Variants in GALNT9 observed in about 807,000 individuals in gnomAD.
GALNT9 encodes polypeptide N-acetylgalactosaminyltransferase 9.
Under a neutral mutation model 63.1 loss-of-function variants are expected in GALNT9, and 47 were observed. The ratio of observed to expected loss-of-function variants is 0.75; its 90% CI spans 0.59 to 0.95. The LOEUF is 0.95. Among genes scored for constraint, GALNT9 ranks in the 40% least tolerant of loss-of-function variants. The probability of loss-of-function intolerance (pLI) is 0.00; values close to 1 mark genes in which losing one functional copy is unlikely to be tolerated. For missense variants in GALNT9, 829 were observed against 874.8 expected, an observed-to-expected ratio of 0.95 and a Z score of 0.66; for synonymous variants, 396 against 365.7, an observed-to-expected ratio of 1.08 and a Z score of -0.94.
rs2136894850 is a variant in GALNT9 at position 132,236,560 on chromosome 12, C to G, written c.1077+11350G>C. On this transcript the variant is annotated intron_variant, in intron 6 of 10. Transcript: ENST00000328957. This position sits in a 1 kb window ranked among gnomAD's most constrained non-coding sequence, Gnocchi z 5.6. ...CCTTCCTTCCTTCCCACCTTCTTTCCTTTCTTCTATCTTTCCTTTCAAGCT... is the reference window on the plus strand; with the variant it reads ...CCTTCCTTCCTTCCCACCTTCTTTCGTTTCTTCTATCTTTCCTTTCAAGCT... Among the ~76,000 whole-genome samples, 2 of 152,160 alleles carry G rather than the reference C, an allele frequency of 1.3e-5. No individual in the cohort carries two copies. Among genetic ancestry groups the G allele is most frequent in the Non-Finnish European group, 2.9e-5 (2 of 68,030 alleles).
intron 6 of GALNT9, among the ~76,000 whole-genome samples, chr12:132,212,039 C>A (rs911548971): frequency 6.6e-6 from 1 of 152,236 alleles, no homozygotes; most frequent in Admixed American, 6.5e-5. Flanking sequence ...GACGTGCACG[C>A]AGGCAGGCCC....
Position 132,315,231 on chromosome 12 carries a change from T to A in GALNT9, c.238+13735A>T, listed in dbSNP as rs536723027. On this transcript the variant is annotated intron_variant, in intron 1 of 10. Coordinates refer to ENST00000328957, the MANE Select transcript of GALNT9 (RefSeq NM_001122636.2). The surrounding 1 kb of genome is among the most constrained non-coding windows in gnomAD (Gnocchi z 6.1). Reference sequence around the variant, plus strand: ...CTCCCCCGTGTCCACTGCAAAGTGCTGGAGCCTCAGAATATAATCAGGGCG... The same window carrying A: ...CTCCCCCGTGTCCACTGCAAAGTGCAGGAGCCTCAGAATATAATCAGGGCG... 6.6e-6 allele frequency among the ~76,000 whole-genome samples: 1 copy of A among 152,082 alleles called. No individual in the cohort carries two copies. Among genetic ancestry groups the A allele is most frequent in the East Asian group, 1.9e-4 (1 of 5,156 alleles).
chr12:132,295,495 C>T (rs782320814), intron 1 of GALNT9, among the ~76,000 whole-genome samples: 2 of 152,206 alleles, frequency 1.3e-5, no homozygotes, highest in Non-Finnish European at 2.9e-5. Flanking sequence ...GTGCGGGAGT[C>T]GGGTGGGCTC....
At chr12:132,257,268 C>T (rs1455318283) in intron 5 of GALNT9, among the ~76,000 whole-genome samples, 8 of 152,210 alleles carry the variant, frequency 5.3e-5, no homozygotes, top group African/African-American at 1.9e-4. Context: ...TTAGTACTGG[C>T]TCCTGTGAAC....
In GALNT9 at chr12:132,252,443, G is replaced by C. The variant is rs960397031; in HGVS notation, c.960-4416C>G. On this transcript the variant is annotated intron_variant, in intron 5 of 10. Coordinates refer to ENST00000328957, the MANE Select transcript of GALNT9 (RefSeq NM_001122636.2). This position sits in a 1 kb window ranked among gnomAD's most constrained non-coding sequence, Gnocchi z 5.2. ...AAAGAGTTTGCATCCACAATGGAAA[G>C]AGTGAAATGTAGGGTCCAGCCCTAC... Among the ~76,000 whole-genome samples the C allele has an allele frequency of 3.3e-5, 5 of 152,262 alleles. No individual in the cohort carries two copies. The highest frequency in any genetic ancestry group is 1.5e-5 in the Non-Finnish European group (1 of 68,050).
intron 6 of GALNT9, among the ~76,000 whole-genome samples, chr12:132,217,936 C>CACCCACCCACTCACCACTCATCCATCT (rs1475395222): frequency 2.9e-4 from 44 of 151,064 alleles, no homozygotes; most frequent in African/African-American, 9.8e-4. Flanking sequence ...TCCATTCATC[C>CACCCACCCACTCACCACTCATCCATCT]ACCCACCCAC....
intron 1 of GALNT9, among the ~76,000 whole-genome samples, chr12:132,328,180 G>A (rs1425744389): frequency 6.6e-6 from 1 of 152,218 alleles, no homozygotes; most frequent in African/African-American, 2.4e-5. Flanking sequence ...CTCAGCAGCT[G>A]TGGCCGCTGG....
rs112633332 is a variant in GALNT9, at chr12:132,284,960, C to T, written c.419+1290G>A. 9.3e-3 allele frequency among the ~76,000 whole-genome samples: 1,416 copies of T among 152,328 alleles called. 22 individuals are homozygous for T. The highest frequency in any genetic ancestry group is 0.032 in the African/African-American group (1,317 of 41,578). On this transcript the variant is annotated intron_variant, in intron 2 of 10. Coordinates refer to ENST00000328957, the MANE Select transcript of GALNT9 (RefSeq NM_001122636.2). ...GGGAACCCCAGAGCAGGTGAGTGAA[C>T]GCCCTGGGAACCACTGCCTGAGTCA...
chr12:132,220,300 G>A (rs955657312), intron 6 of GALNT9, among the ~76,000 whole-genome samples: 46 of 152,146 alleles, frequency 3.0e-4, no homozygotes, highest in African/African-American at 8.7e-4. Flanking sequence ...TTCTAGGAGC[G>A]TCAGCCAAGA....
chr12:132,291,631 C>CCACCCACATCCACAG (rs1566015330), intron 1 of GALNT9, among the ~76,000 whole-genome samples: 3 of 141,246 alleles, frequency 2.1e-5, no homozygotes, highest in African/African-American at 8.0e-5. Flanking sequence ...CACGTCCACA[C>CCACCCACATCCACAG]CACCCACATC....
At chr12:132,197,398 C>G (rs920383684) in intron 10 of GALNT9, 145 bp from the exon 11 acceptor site, 24 of 1,241,008 alleles carry the variant, frequency 1.9e-5, no homozygotes, top group Non-Finnish European at 1.7e-5. Flanking sequence ...CAGCAGCACC[C>G]AGGGGGGCCG....
intron 8 of GALNT9, 139 bp from the exon 9 acceptor site, chr12:132,199,408 G>A (rs911760186): frequency 4.9e-5 from 31 of 630,540 alleles, no homozygotes; most frequent in African/African-American, 2.9e-4. Flanking sequence ...TGCTCTGGCC[G>A]GGTGGGCTGC....
chr12:132,259,434 C>G (rs918166071), intron 4 of GALNT9, among the ~76,000 whole-genome samples: 1 of 152,136 alleles, frequency 6.6e-6, no homozygotes, highest in Admixed American at 6.5e-5. Flanking sequence ...ATGCACAACA[C>G]GTCAGAAGCT....
intron 8 of GALNT9, among the ~76,000 whole-genome samples, chr12:132,199,665 A>G (rs1264539070): frequency 6.6e-6 from 1 of 151,750 alleles, no homozygotes; most frequent in Non-Finnish European, 1.5e-5. Context: ...CCCTTGGGAG[A>G]CCTTCCAGCT....
At chr12:132,199,603 G>C (rs1875840206) in intron 8 of GALNT9, among the ~76,000 whole-genome samples, 1 of 152,180 alleles carries the variant, frequency 6.6e-6, no homozygotes, top group South Asian at 2.1e-4. Context: ...CTCCCACTGA[G>C]TGGGTAGAGA....
intron 6 of GALNT9, among the ~76,000 whole-genome samples, chr12:132,240,309 C>A (rs1276603238): frequency 2.6e-5 from 4 of 152,160 alleles, no homozygotes; most frequent in African/African-American, 9.7e-5. Context: ...GTAGCCCCGG[C>A]CCGGCTCTGG....
chr12:132,247,954 C>T lies in GALNT9; in HGVS notation c.1033G>A (p.Gly345Ser), dbSNP rs1421984984. ...YFGDIGLLDP[G>S]MEVYGGENVE... ...TTCTCGCCGCCATACACCTCCATGC[C>T]GGGGTCCAGCAGCCCAATGTCTCCG... Residue 345 changes from glycine (G) to serine (S), a missense_variant, in exon 6 of 11, where the codon GGC (glycine) becomes AGC (serine). Transcript: ENST00000328957. 7.7e-6 allele frequency: 12 copies of T among 1,551,478 alleles called. No homozygotes were observed. The highest frequency in any genetic ancestry group is 2.4e-5 in the South Asian group (2 of 84,068).
At chr12:132,201,887 C>T (rs1197851810) in intron 7 of GALNT9, among the ~76,000 whole-genome samples, 1 of 151,424 alleles carries the variant, frequency 6.6e-6, no homozygotes, top group African/African-American at 2.4e-5. Context: ...CTGTGTCTTC[C>T]TGGGACTGTG....
chr12:132,196,755 C>T lies in GALNT9; in HGVS notation c.*352G>A, dbSNP rs73166822. On this transcript the variant is annotated 3_prime_UTR_variant, in exon 11 of 11. Transcript: ENST00000328957. ...CCAGGGTGCAGCCTGGTGCATGGTC[C>T]GGGGCTTGGCCTCCCTATGGGGCGT... The T allele has an allele frequency of 3.6e-3, 3,767 of 1,059,858 alleles. 93 individuals carry two copies. The African/African-American group carries it at 0.055, about 15-fold the overall frequency. 65.7% of individuals were successfully genotyped at this position (1,059,858 alleles called of 1,614,324 possible).
Sources: gnomAD v4.1 joint callset for allele counts (sites outside exome capture counted in the v4.1 genomes callset) on GRCh38, gnomAD v4.1.1 for gene constraint, Gnocchi (gnomAD v3.1) non-coding constraint, MANE v1.5 for transcripts, NCBI Gene and HGNC (gene_info 2026-07-23, HGNC 2026-07-21) for gene names.